PLOD2: variants seen among roughly 807,000 people sequenced by gnomAD.
PLOD2 encodes the protein lysine hydroxylase 2.
Under a neutral mutation model 101.0 loss-of-function variants are expected in PLOD2, and 65 were observed. The observed-to-expected ratio is 0.64, with a 90% CI of 0.53 to 0.79. The LOEUF is 0.79. Ranked by LOEUF, PLOD2 falls within the 30% of genes least tolerant of loss-of-function variation. The pLI is 0.00. For missense variants in PLOD2, 909 were observed against 914.6 expected, an observed-to-expected ratio of 0.99 and a Z score of 0.08; for synonymous variants, 314 against 302.9, an observed-to-expected ratio of 1.04 and a Z score of -0.38.
chr3:146,085,915 A>ACAC (rs1322709006), intron 10 of PLOD2: 1 of 152,290 alleles, frequency 6.6e-6, no homozygotes, highest in Non-Finnish European at 1.5e-5. Flanking sequence ...GTGTGTCTCC[A>ACAC]CACCATATTT....
intron 7 of PLOD2, among the ~76,000 whole-genome samples, chr3:146,092,260 C>T (rs1451564078): frequency 6.6e-6 from 1 of 151,956 alleles, no homozygotes. Flanking sequence ...AAATAAGAGT[C>T]ACATGAATAG....
intron 8 of PLOD2, among the ~76,000 whole-genome samples, chr3:146,091,403 T>C (rs1180985148): frequency 2.0e-5 from 3 of 151,966 alleles, no homozygotes; most frequent in East Asian, 1.9e-4. Flanking sequence ...TCGTTTGTTA[T>C]ATAATCAGGT....
At position 146,110,452 on chromosome 3, in the gene PLOD2, T is replaced by C; in HGVS notation, c.339-4A>G. On this transcript the variant is annotated splice_region_variant and splice_polypyrimidine_tract_variant and intron_variant, in intron 3 of 19. Transcript: ENST00000282903. Reference sequence around the variant, plus strand: ...ACCAGCAAATATGACATCAAAGCTGTTCAATGAGGAAAAAATGTGTTTTAA... The same window carrying C: ...ACCAGCAAATATGACATCAAAGCTGCTCAATGAGGAAAAAATGTGTTTTAA... 6.3e-7 allele frequency: 1 copy of C among 1,596,562 alleles called. No homozygotes were observed. The highest frequency in any genetic ancestry group is 8.5e-7 in the Non-Finnish European group (1 of 1,172,372).
chr3:146,161,106 G>A lies in PLOD2; in HGVS notation c.-117C>T. On this transcript the variant is annotated 5_prime_UTR_variant, in exon 1 of 20. Coordinates refer to ENST00000282903, the MANE Select transcript of PLOD2 (RefSeq NM_182943.3). ...AGCCGCCGATTGCGGGCGGGAGCCG[G>A]CGGGCAAGGCGCGCGGCCGGCAGCC... 2 of 542,408 alleles carry A rather than the reference G, an allele frequency of 3.7e-6. No homozygotes were observed. The highest frequency in any genetic ancestry group is 5.8e-6 in the Non-Finnish European group (2 of 342,820). The allele number at this position is 542,408 out of a possible 1,614,324, so 33.6% of individuals were successfully genotyped here.
intron 9 of PLOD2, among the ~76,000 whole-genome samples, chr3:146,088,007 T>A (rs1422085653): frequency 2.6e-5 from 4 of 151,736 alleles, no homozygotes; most frequent in Non-Finnish European, 5.9e-5. Flanking sequence ...CAATGTTAAA[T>A]ACCAGTGGTT....
chr3:146,115,052 G>A lies in PLOD2; in HGVS notation c.339-4604C>T, dbSNP rs1339934675. ...AACTTGCTGGTTTTGCGGCTTGGGG[G>A]GCAGCACGGAACCTGCCAACATGTG... is the stretch of plus-strand genomic sequence containing the variant. On this transcript the variant is annotated intron_variant, in intron 3 of 19. Coordinates refer to ENST00000282903, the MANE Select transcript of PLOD2 (RefSeq NM_182943.3). Among the ~76,000 whole-genome samples, 3 of 152,056 alleles carry A rather than the reference G, an allele frequency of 2.0e-5. No homozygotes were observed. The East Asian group carries it at 5.8e-4, about 29-fold the overall frequency.
At chr3:146,109,249 T>C (rs1009014887) in intron 4 of PLOD2, among the ~76,000 whole-genome samples, 1 of 152,152 alleles carries the variant, frequency 6.6e-6, no homozygotes, top group African/African-American at 2.4e-5. Context: ...TGTAGAAATA[T>C]TGAGACGAAG....
intron 1 of PLOD2, among the ~76,000 whole-genome samples, chr3:146,150,001 T>C (rs2031982758): frequency 6.6e-6 from 1 of 152,154 alleles, no homozygotes; most frequent in Non-Finnish European, 1.5e-5. Context: ...TCACTAGATA[T>C]GCTCCATTCT....
Position 146,100,311 on chromosome 3 carries a change from CG to C in PLOD2, c.777+2443del, listed in dbSNP as rs1559848498. Among the ~76,000 whole-genome samples the C allele has an allele frequency of 1.6e-4, 24 of 152,242 alleles. No individual in the cohort carries two copies. In the South Asian group the frequency reaches 3.3e-3, roughly 21 times the overall value. ...TAAGATTTGTTGAAAGCGTAGTATT[CG>C]CTACACATGTGCTGGACCCTGGGGA... On this transcript the variant is annotated intron_variant, in intron 7 of 19. Coordinates refer to ENST00000282903, the MANE Select transcript of PLOD2 (RefSeq NM_182943.3).
At chr3:146,081,891 G>A in intron 11 of PLOD2, 28 bp from the exon 12 acceptor site, 3 of 1,594,646 alleles carry the variant, frequency 1.9e-6, no homozygotes, top group Non-Finnish European at 2.6e-6. Context: ...GTGTGTGAGA[G>A]AGAGAAACCT....
intron 1 of PLOD2, among the ~76,000 whole-genome samples, chr3:146,137,398 C>T (rs1559867891): frequency 6.6e-6 from 1 of 152,120 alleles, no homozygotes; most frequent in Non-Finnish European, 1.5e-5. Context: ...AGGTGCTCAC[C>T]ACCAAACCCC....
intron 1 of PLOD2, among the ~76,000 whole-genome samples, chr3:146,140,678 T>C (rs754209012): frequency 3.8e-4 from 58 of 152,108 alleles, no homozygotes; most frequent in Non-Finnish European, 7.2e-4. Flanking sequence ...TTCCAGTCAA[T>C]TAAACCATGG....
At chr3:146,118,292 T>C (rs1938010946) in intron 3 of PLOD2, among the ~76,000 whole-genome samples, 1 of 152,058 alleles carries the variant, frequency 6.6e-6, no homozygotes, top group South Asian at 2.1e-4. Context: ...TCTTGCAAAA[T>C]AGGTAACCAC....
Position 146,096,753 on chromosome 3 carries a change from G to A in PLOD2, c.778-4852C>T, listed in dbSNP as rs1180369555. Among the ~76,000 whole-genome samples, 5 of 147,680 alleles carry A rather than the reference G, an allele frequency of 3.4e-5. No homozygotes were observed. In the East Asian group the frequency reaches 1.0e-3, roughly 31 times the overall value. On this transcript the variant is annotated intron_variant, in intron 7 of 19. Transcript: ENST00000282903. ...AAGCCACCCCGTCCGGGAGGGAGGT[G>A]GGGGGGGTCAGCCCCCCGCCCAGCC...
At chr3:146,103,328 A>G (rs971001396) in intron 6 of PLOD2, among the ~76,000 whole-genome samples, 1 of 152,204 alleles carries the variant, frequency 6.6e-6, no homozygotes, top group African/African-American at 2.4e-5. Context: ...ATTGGCTACC[A>G]ATGATAATAT....
intron 8 of PLOD2, among the ~76,000 whole-genome samples, chr3:146,091,566 T>C (rs958820004): frequency 1.3e-5 from 2 of 151,914 alleles, no homozygotes; most frequent in African/African-American, 4.8e-5. Context: ...CTATTAAATA[T>C]TAACCACAGG....
chr3:146,160,892 C>T lies in PLOD2; in HGVS notation c.98G>A (p.Ser33Asn). ...CLGADSEKPS[S>N]IPTDKLLVIT... is the part of the protein sequence containing the mutation. ...CGCGGGGTGCTCACCTGTGGGGATG[C>T]TCGAGGGCTTCTCCGAGTCCGCACC... Residue 33 changes from serine (S) to asparagine (N), a missense_variant, in exon 1 of 20, where the codon AGC (serine) becomes AAC (asparagine). By Grantham distance (46) the Ser-to-Asn change is conservative. Coordinates refer to ENST00000282903, the MANE Select transcript of PLOD2 (RefSeq NM_182943.3). 6.3e-7 allele frequency: 1 copy of T among 1,577,726 alleles called. No homozygotes were observed. Among genetic ancestry groups the T allele is most frequent in the Non-Finnish European group, 8.6e-7 (1 of 1,160,694 alleles).
intron 1 of PLOD2, among the ~76,000 whole-genome samples, chr3:146,153,737 G>A (rs998567109): frequency 4.0e-5 from 6 of 151,214 alleles, no homozygotes; most frequent in African/African-American, 1.5e-4. Flanking sequence ...TTGAGTGTCC[G>A]AGACTGACCA....
chr3:146,101,017 C>T (rs1009359318), intron 7 of PLOD2, among the ~76,000 whole-genome samples: 1 of 151,998 alleles, frequency 6.6e-6, no homozygotes, highest in Admixed American at 6.6e-5. Context: ...GGAGTTAGAA[C>T]AGAGGGCTTT....
Sources: allele counts gnomAD v4.1 joint callset (sites outside exome capture counted in the v4.1 genomes callset), GRCh38; gene constraint gnomAD v4.1.1; transcripts MANE v1.5; gene names NCBI Gene and HGNC (gene_info 2026-07-23, HGNC 2026-07-21).